Variants in FAT3 observed in about 807,000 individuals in gnomAD.
FAT3 encodes protocadherin Fat 3.
In FAT3, 95 loss-of-function variants were observed where a neutral mutation model predicts 310.2. The ratio of observed to expected loss-of-function variants is 0.31; its 90% CI spans 0.26 to 0.36. The LOEUF (loss-of-function observed/expected upper bound fraction) is 0.36. Among genes scored for constraint, FAT3 ranks in the 10% least tolerant of loss-of-function variants. The pLI is 1.00. For synonymous variants in FAT3, 2,314 were observed against 2,192.9 expected (o/e 1.06, Z -1.54); for missense variants, 5,408 against 5,715.6 (o/e 0.95, Z 1.74).
intron 2 of FAT3, among the ~76,000 whole-genome samples, chr11:92,499,565 C>T (rs991135126): frequency 1.3e-5 from 2 of 151,872 alleles, no homozygotes; most frequent in African/African-American, 4.8e-5. Flanking sequence ...ATTTTTATCA[C>T]CTGGTTTTGG....
rs145492180 is a variant in FAT3, at chr11:92,353,993, C to T, written c.1881C>T (p.Asn627=). Reference sequence around the variant, plus strand: ...ATGAACTTGGCTTCTTTTATTTAAACCCAGATTCTGGTGTTTTACAGCTTA... The same window carrying T: ...ATGAACTTGGCTTCTTTTATTTAAATCCAGATTCTGGTGTTTTACAGCTTA... ...SGNELGFFYL[N]PDSGVLQLKK... Residue 627 remains asparagine (N), a synonymous_variant, in exon 2 of 28, where the codon AAC becomes AAT. Transcript: ENST00000525166. 91 of 1,613,008 alleles carry T rather than the reference C, an allele frequency of 5.6e-5. No homozygotes were observed. The East Asian group carries it at 2.0e-3, about 35-fold the overall frequency.
At chr11:92,345,814 G>T (rs1256074161) in intron 1 of FAT3, among the ~76,000 whole-genome samples, 1 of 152,156 alleles carries the variant, frequency 6.6e-6, no homozygotes, top group Non-Finnish European at 1.5e-5. Flanking sequence ...GGCAAGCTGT[G>T]TGACCTTGTT....
intron 1 of FAT3, among the ~76,000 whole-genome samples, chr11:92,308,298 G>A (rs747913429): frequency 1.3e-5 from 2 of 152,164 alleles, no homozygotes; most frequent in Non-Finnish European, 2.9e-5. Context: ...AATTAAACTA[G>A]TTGCACTAGG....
intron 3 of FAT3, among the ~76,000 whole-genome samples, chr11:92,590,345 CAG>C (rs1939364195): frequency 6.6e-6 from 1 of 152,048 alleles, no homozygotes; most frequent in Non-Finnish European, 1.5e-5. Flanking sequence ...CTGCGTCTGA[CAG>C]AAAGAAGGGC....
intron 4 of FAT3, among the ~76,000 whole-genome samples, chr11:92,742,514 C>T (rs1317283009): frequency 1.3e-5 from 2 of 152,218 alleles, no homozygotes; most frequent in Non-Finnish European, 2.9e-5. Flanking sequence ...GTGTTGGAAA[C>T]AATCCCCAAT....
At chr11:92,654,170 A>G (rs1942488421) in intron 3 of FAT3, among the ~76,000 whole-genome samples, 1 of 152,200 alleles carries the variant, frequency 6.6e-6, no homozygotes, top group Non-Finnish European at 1.5e-5. Context: ...AAACTAGTTC[A>G]TTACACATTT....
At position 92,585,581 on chromosome 11, in the gene FAT3, A is replaced by G. The variant is rs76005746; in HGVS notation, c.3607+60633A>G. On this transcript the variant is annotated intron_variant, in intron 3 of 27. Coordinates refer to ENST00000525166, the MANE Select transcript of FAT3 (RefSeq NM_001367949.2). ...GTGCAGCTCCAAATGCTTTACATGT[A>G]TGAACATGTTAATCCCTATAGCAGT... Among the ~76,000 whole-genome samples, 902 of 152,156 alleles carry G rather than the reference A, an allele frequency of 5.9e-3. 5 individuals carry two copies. Among genetic ancestry groups the G allele is most frequent in the African/African-American group, 0.021 (877 of 41,566 alleles).
chr11:92,697,323 C>T (rs1249532364), intron 3 of FAT3, 61 bp from the exon 4 acceptor site: 3 of 1,503,670 alleles, frequency 2.0e-6, no homozygotes, highest in Admixed American at 1.7e-5. Context: ...CTTGTTTCCC[C>T]ACACTCAGTA....
At chr11:92,484,937 A>C (rs569667200) in intron 2 of FAT3, among the ~76,000 whole-genome samples, 2 of 152,238 alleles carry the variant, frequency 1.3e-5, no homozygotes, top group Admixed American at 6.5e-5. Flanking sequence ...AAATGTGTGC[A>C]TTCTCAGAGT....
rs1396122549 is a variant in FAT3, at chr11:92,645,908, A to G, written c.3608-51476A>G. 2.0e-5 allele frequency among the ~76,000 whole-genome samples: 3 copies of G among 152,226 alleles called. No homozygotes were observed. The East Asian group carries it at 5.8e-4, about 29-fold the overall frequency. On this transcript the variant is annotated intron_variant, in intron 3 of 27. Coordinates refer to ENST00000525166, the MANE Select transcript of FAT3 (RefSeq NM_001367949.2). ...TGGGTATTCCACAGCTCTGTGTTGAAGTGAATGGGTAAATGAAGTAAAATA... is the reference window on the plus strand; with the variant it reads ...TGGGTATTCCACAGCTCTGTGTTGAGGTGAATGGGTAAATGAAGTAAAATA...
chr11:92,378,438 A>G (rs932822726), intron 2 of FAT3, among the ~76,000 whole-genome samples: 6 of 152,184 alleles, frequency 3.9e-5, no homozygotes, highest in African/African-American at 1.4e-4. Context: ...CAAGACCTCC[A>G]TACCCTTGCC....
Position 92,844,663 on chromosome 11 carries a change from A to G in FAT3, c.11296A>G (p.Thr3766Ala). The G allele has an allele frequency of 6.2e-7, 1 of 1,603,158 alleles. No individual in the cohort carries two copies. The highest frequency in any genetic ancestry group is 8.5e-7 in the Non-Finnish European group (1 of 1,173,558). ...GTCACTCGATTCCCACGCGCTCATG[A>G]CCTACAGCACGGCTCGCATCAGCTT... is the stretch of plus-strand genomic sequence containing the variant. ...GLSLDSHALM[T>A]YSTARISFVC... Residue 3766 changes from threonine (T) to alanine (A), a missense_variant, in exon 19 of 28, where the codon ACC becomes GCC. Thr to Ala is a moderately conservative substitution (Grantham distance 58). This residue lies in a region of FAT3 where 4,588 missense variants were observed against 4,809.8 expected (regional missense o/e 0.95). Transcript: ENST00000525166.
intron 2 of FAT3, among the ~76,000 whole-genome samples, chr11:92,375,690 G>A (rs1250260294): frequency 6.6e-6 from 1 of 152,146 alleles, no homozygotes; most frequent in Non-Finnish European, 1.5e-5. Context: ...GAGACATGGA[G>A]TTACTGACAT....
At chr11:92,258,266 A>G (rs1310859046) in intron 1 of FAT3, among the ~76,000 whole-genome samples, 2 of 152,144 alleles carry the variant, frequency 1.3e-5, no homozygotes, top group African/African-American at 4.8e-5. Flanking sequence ...AGATGGACCC[A>G]CAAGTGAAAC....
At chr11:92,544,907 A>T (rs1289794459) in intron 3 of FAT3, among the ~76,000 whole-genome samples, 1 of 152,166 alleles carries the variant, frequency 6.6e-6, no homozygotes, top group East Asian at 1.9e-4. Flanking sequence ...CTAAAGTCTT[A>T]TTGACTCTTC....
chr11:92,889,527 A>G (rs1035074987), intron 26 of FAT3, among the ~76,000 whole-genome samples: 1 of 152,208 alleles, frequency 6.6e-6, no homozygotes, highest in Non-Finnish European at 1.5e-5. Flanking sequence ...TTATCTTTAT[A>G]TTCAACATGT....
chr11:92,655,932 A>G (rs1257883219), intron 3 of FAT3, among the ~76,000 whole-genome samples: 1 of 152,202 alleles, frequency 6.6e-6, no homozygotes, highest in East Asian at 1.9e-4. Context: ...TAAATATGCA[A>G]TGAATTACTG....
chr11:92,563,391 C>T (rs1955304377), intron 3 of FAT3, among the ~76,000 whole-genome samples: 1 of 152,140 alleles, frequency 6.6e-6, no homozygotes, highest in Admixed American at 6.6e-5. Flanking sequence ...TTTGAGCAGG[C>T]ATTCCCCCAA....
intron 3 of FAT3, among the ~76,000 whole-genome samples, chr11:92,565,991 C>G (rs1299860662): frequency 6.6e-6 from 1 of 152,126 alleles, no homozygotes; most frequent in African/African-American, 2.4e-5. Context: ...CAGGGATGCC[C>G]TCTCTCACCA....
Sources: allele counts gnomAD v4.1 joint callset (sites outside exome capture counted in the v4.1 genomes callset), GRCh38; gene constraint gnomAD v4.1.1; regional missense constraint gnomAD v4.1.1; transcripts MANE v1.5; gene names NCBI Gene and HGNC (gene_info 2026-07-23, HGNC 2026-07-21).